The following NWD2 variants were observed in gnomAD, a reference collection of about 807,000 sequenced individuals.
NWD2 encodes the protein NACHT and WD repeat domain containing 2, also known as NACHT and WD repeat domain-containing protein 2.
Under a neutral mutation model 132.7 loss-of-function variants are expected in NWD2, and 37 were observed. That is an observed-to-expected ratio of 0.28 (90% CI 0.21 to 0.37). The LOEUF (loss-of-function observed/expected upper bound fraction) is 0.37, where lower values mean the gene tolerates loss of function less well. NWD2 is among the 10% of genes least tolerant of loss of function. The pLI is 1.00. For synonymous variants in NWD2, 705 were observed against 803.0 expected (o/e 0.88, Z 2.06); for missense variants, 1,592 against 2,122.4 (o/e 0.75, Z 4.91).
intron 1 of NWD2, among the ~76,000 whole-genome samples, chr4:37,311,005 T>G (rs1435340458): frequency 6.6e-6 from 1 of 152,098 alleles, no homozygotes; most frequent in Admixed American, 6.5e-5. Context: ...TGTGTATATG[T>G]GCCACATTTT....
intron 1 of NWD2, among the ~76,000 whole-genome samples, chr4:37,249,354 G>A (rs1374065384): frequency 6.6e-6 from 1 of 152,190 alleles, no homozygotes; most frequent in South Asian, 2.1e-4. Context: ...ACAGACTTTT[G>A]TTGGAGAATA....
chr4:37,309,288 C>T (rs780285980), intron 1 of NWD2, among the ~76,000 whole-genome samples: 70 of 152,228 alleles, frequency 4.6e-4, no homozygotes, highest in African/African-American at 1.1e-3. Flanking sequence ...GTCATTAGGC[C>T]GTCAGCTCTC....
intron 3 of NWD2, among the ~76,000 whole-genome samples, chr4:37,357,374 A>G (rs1473127803): frequency 1.3e-5 from 2 of 152,248 alleles, no homozygotes; most frequent in Admixed American, 1.3e-4. Flanking sequence ...TTGGCTCCGC[A>G]TAGGATTAGG....
At chr4:37,249,006 T>C (rs1259460149) in intron 1 of NWD2, among the ~76,000 whole-genome samples, 1 of 152,262 alleles carries the variant, frequency 6.6e-6, no homozygotes, top group Admixed American at 6.5e-5. Context: ...GTCAGTGTTA[T>C]ACAGAACTTT....
intron 3 of NWD2, among the ~76,000 whole-genome samples, chr4:37,408,443 G>A (rs887311921): frequency 6.6e-6 from 1 of 152,210 alleles, no homozygotes; most frequent in Non-Finnish European, 1.5e-5. Flanking sequence ...GGAGCCCACT[G>A]CAGCTCAGCA....
At chr4:37,418,026 C>A (rs1711676800) in intron 3 of NWD2, among the ~76,000 whole-genome samples, 1 of 152,102 alleles carries the variant, frequency 6.6e-6, no homozygotes, top group East Asian at 1.9e-4. Flanking sequence ...GCAACAACAA[C>A]ATCTAGCACC....
intron 3 of NWD2, among the ~76,000 whole-genome samples, chr4:37,360,950 C>T (rs1185346421): frequency 6.6e-6 from 1 of 152,068 alleles, no homozygotes; most frequent in African/African-American, 2.4e-5. Flanking sequence ...AAGTAGGTGA[C>T]TTCAATCAGA....
chr4:37,251,017 A>G (rs116108289), intron 1 of NWD2, among the ~76,000 whole-genome samples: 6,766 of 152,344 alleles, frequency 0.044, 215 homozygotes, highest in Middle Eastern at 0.095. Context: ...GCTCACGCCT[A>G]TAATCCCAGC....
At chr4:37,386,647 A>G (rs780331950) in intron 3 of NWD2, among the ~76,000 whole-genome samples, 3 of 152,098 alleles carry the variant, frequency 2.0e-5, no homozygotes, top group Non-Finnish European at 2.9e-5. Context: ...TTTTTATATT[A>G]TATTTGTTTG....
At chr4:37,373,206 A>G (rs1259099358) in intron 3 of NWD2, among the ~76,000 whole-genome samples, 1 of 152,252 alleles carries the variant, frequency 6.6e-6, no homozygotes, top group African/African-American at 2.4e-5. Context: ...AGATAAGGAA[A>G]CAGGCACTCA....
chr4:37,325,560 T>C (rs1455892846), intron 1 of NWD2, among the ~76,000 whole-genome samples: 1 of 152,188 alleles, frequency 6.6e-6, no homozygotes, highest in Non-Finnish European at 1.5e-5. Context: ...TTAAAACTTG[T>C]ATTTTGTGGA....
chr4:37,362,852 A>T (rs1720007642), intron 3 of NWD2, among the ~76,000 whole-genome samples: 1 of 152,252 alleles, frequency 6.6e-6, no homozygotes, highest in Non-Finnish European at 1.5e-5. Context: ...AGCAAAAGAA[A>T]CTATCAGCAG....
At chr4:37,401,524 T>C (rs1047332994) in intron 3 of NWD2, among the ~76,000 whole-genome samples, 1 of 152,188 alleles carries the variant, frequency 6.6e-6, no homozygotes, top group Non-Finnish European at 1.5e-5. Context: ...TCATCTTCTC[T>C]CACCTGGGCT....
At chr4:37,255,619 C>T (rs969102462) in intron 1 of NWD2, among the ~76,000 whole-genome samples, 5 of 152,172 alleles carry the variant, frequency 3.3e-5, no homozygotes, top group African/African-American at 1.2e-4. Flanking sequence ...ACAAAGTTCC[C>T]TTTCTGAAGT....
chr4:37,356,287 A>G, intron 2 of NWD2, 79 bp from the exon 3 acceptor site: 1 of 723,912 alleles, frequency 1.4e-6, no homozygotes, highest in Non-Finnish European at 2.2e-6. Context: ...GAGAAAAGTT[A>G]AAAGTCACAT....
At chr4:37,362,443 A>AAC (rs1719999227) in intron 3 of NWD2, among the ~76,000 whole-genome samples, 1 of 152,214 alleles carries the variant, frequency 6.6e-6, no homozygotes, top group Non-Finnish European at 1.5e-5. Context: ...CAGTAACCCA[A>AAC]ACAGCATGGT....
intron 1 of NWD2, among the ~76,000 whole-genome samples, chr4:37,299,880 TA>T (rs781607091): frequency 4.6e-5 from 7 of 152,130 alleles, no homozygotes; most frequent in Non-Finnish European, 7.4e-5. Context: ...CAATTGCTGT[TA>T]AACCCCCAAA....
chr4:37,413,978 G>T (rs894801492), intron 3 of NWD2, among the ~76,000 whole-genome samples: 5 of 151,952 alleles, frequency 3.3e-5, no homozygotes, highest in African/African-American at 1.2e-4. Context: ...TCAGGGGGTG[G>T]GGGGCAAGGA....
At chr4:37,301,978 T>G (rs1718620398) in intron 1 of NWD2, among the ~76,000 whole-genome samples, 1 of 152,094 alleles carries the variant, frequency 6.6e-6, no homozygotes, top group African/African-American at 2.4e-5. Context: ...TTTTGGGAAA[T>G]CCTCTCCTAA....
Sources: allele counts gnomAD v4.1 joint callset (sites outside exome capture counted in the v4.1 genomes callset), GRCh38; gene constraint gnomAD v4.1.1; transcripts MANE v1.5; gene names NCBI Gene and HGNC (gene_info 2026-07-23, HGNC 2026-07-21).